The following TESC variants were observed in gnomAD, a reference collection of about 807,000 sequenced individuals.
TESC encodes the protein calcineurin B homologous protein 3.
TESC carries 19 observed loss-of-function variants against 31.0 expected under a neutral mutation model. The ratio of observed to expected loss-of-function variants is 0.61; its 90% confidence interval spans 0.43 to 0.90. The LOEUF is 0.90. Among genes scored for constraint, TESC ranks in the 40% least tolerant of loss-of-function variants. The pLI, the probability that TESC is intolerant of heterozygous loss-of-function variation, is 0.00. For missense variants in TESC, 248 were observed against 303.8 expected, an observed-to-expected ratio of 0.82 and a Z score of 1.36; for synonymous variants, 109 against 114.8, an observed-to-expected ratio of 0.95 and a Z score of 0.32.
At chr12:117,076,440 A>T (rs1955075115) in intron 1 of TESC, among the ~76,000 whole-genome samples, 1 of 152,162 alleles carries the variant, frequency 6.6e-6, no homozygotes, top group Non-Finnish European at 1.5e-5. Context: ...AGTGGATATT[A>T]TCTCAGGTAT....
At chr12:117,088,686 A>C (rs1955256736) in intron 1 of TESC, among the ~76,000 whole-genome samples, 3 of 151,938 alleles carry the variant, frequency 2.0e-5, no homozygotes, top group Non-Finnish European at 4.4e-5. Flanking sequence ...GTCTCAAAAA[A>C]AAAAAAAAAA....
At chr12:117,056,772 C>T in intron 3 of TESC, 34 bp downstream of exon 3, 2 of 1,604,326 alleles carry the variant, frequency 1.2e-6, no homozygotes, top group Non-Finnish European at 1.7e-6. Flanking sequence ...ACAAGGGTGC[C>T]TGCCACTGGG....
chr12:117,089,641 G>A (rs1415349030), intron 1 of TESC, among the ~76,000 whole-genome samples: 1 of 152,130 alleles, frequency 6.6e-6, no homozygotes, highest in Admixed American at 6.5e-5. Context: ...ATAGGTTAAG[G>A]CAGCAAGGTT....
chr12:117,072,060 A>G (rs376871480), intron 2 of TESC, among the ~76,000 whole-genome samples: 3 of 152,130 alleles, frequency 2.0e-5, no homozygotes, highest in African/African-American at 7.2e-5. Flanking sequence ...TAAGCTTATG[A>G]TGGGGTGCTA....
At position 117,053,928 on chromosome 12, in the gene TESC, C is replaced by G. The variant is rs531179872; in HGVS notation, c.209+2878G>C. 3.3e-5 allele frequency: 5 copies of G among 152,376 alleles called. No individual in the cohort carries two copies. In the East Asian group the frequency reaches 9.7e-4, roughly 29 times the overall value. 9.4% of individuals were successfully genotyped at this position (152,376 alleles called of 1,614,324 possible). On this transcript the variant is annotated intron_variant, in intron 3 of 7. Transcript: ENST00000335209. ...GGACTGGCCTAAGACGCACTGCCCACCTGAGTCCTTTCTCTGAGAACCAGG... is the reference window on the plus strand; with the variant it reads ...GGACTGGCCTAAGACGCACTGCCCAGCTGAGTCCTTTCTCTGAGAACCAGG...
At chr12:117,084,266 C>T (rs927085908) in intron 1 of TESC, among the ~76,000 whole-genome samples, 2 of 152,130 alleles carry the variant, frequency 1.3e-5, no homozygotes, top group African/African-American at 4.8e-5. Context: ...AAGCCAATTC[C>T]TTCCTCAGAT....
At chr12:117,062,892 A>T (rs1014334881) in intron 2 of TESC, among the ~76,000 whole-genome samples, 25 of 152,176 alleles carry the variant, frequency 1.6e-4, no homozygotes, top group Non-Finnish European at 3.2e-4. Flanking sequence ...ACGGCAGGTC[A>T]CTGCCCTCAG....
At chr12:117,052,344 G>A (rs1052955098) in intron 3 of TESC, among the ~76,000 whole-genome samples, 33 of 152,188 alleles carry the variant, frequency 2.2e-4, no homozygotes, top group Non-Finnish European at 4.4e-4. Context: ...GGAAAATCCT[G>A]TTTCCAGCAT....
chr12:117,066,496 C>T (rs1340197018), intron 2 of TESC, among the ~76,000 whole-genome samples: 2 of 151,790 alleles, frequency 1.3e-5, no homozygotes, highest in African/African-American at 2.4e-5. Context: ...CTCAGCCTCC[C>T]GAGTAACTGG....
At chr12:117,064,230 G>A (rs749043036) in intron 2 of TESC, among the ~76,000 whole-genome samples, 14 of 152,180 alleles carry the variant, frequency 9.2e-5, no homozygotes, top group East Asian at 1.9e-4. Context: ...GGGCATTCAC[G>A]TACACATGAA....
chr12:117,076,369 T>C (rs1191937322), intron 1 of TESC, among the ~76,000 whole-genome samples: 1 of 152,122 alleles, frequency 6.6e-6, no homozygotes, highest in African/African-American at 2.4e-5. Context: ...CTCTAAAAAA[T>C]GCACAATATT....
At chr12:117,092,593 C>T (rs994230014) in intron 1 of TESC, among the ~76,000 whole-genome samples, 2 of 152,160 alleles carry the variant, frequency 1.3e-5, no homozygotes, top group Admixed American at 6.5e-5. Flanking sequence ...GCCAGGGTCT[C>T]CCCCCGCCCC....
chr12:117,099,203 G>A (rs1343440418), intron 1 of TESC, 22 bp downstream of exon 1: 5 of 1,476,956 alleles, frequency 3.4e-6, no homozygotes, highest in Non-Finnish European at 2.7e-6. Flanking sequence ...CGGTCCCCGC[G>A]CCGCCCCCCG....
chr12:117,054,624 A>G (rs1954695366), intron 3 of TESC, among the ~76,000 whole-genome samples: 1 of 152,132 alleles, frequency 6.6e-6, no homozygotes, highest in Admixed American at 6.5e-5. Flanking sequence ...GGGCAGCTGA[A>G]GGACCCCTCT....
chr12:117,095,030 AAGAG>A (rs1555233986), intron 1 of TESC, among the ~76,000 whole-genome samples: 4 of 139,756 alleles, frequency 2.9e-5, no homozygotes, highest in African/African-American at 8.5e-5. Context: ...AAAAAAAAAA[AAGAG>A]AGAGAGACAA....
chr12:117,041,388 A>G (rs1015780286), intron 7 of TESC, among the ~76,000 whole-genome samples: 132 of 150,222 alleles, frequency 8.8e-4, no homozygotes, highest in African/African-American at 3.2e-3. Flanking sequence ...GATGGAGTAC[A>G]GTGGCGCAAT....
chr12:117,073,131 A>C (rs10850754), intron 2 of TESC, among the ~76,000 whole-genome samples: 75,853 of 151,900 alleles, frequency 0.5, 19,658 homozygotes, highest in African/African-American at 0.64. Flanking sequence ...CAGCCTATGG[A>C]CCAAGGAGGT....
chr12:117,054,383 G>C (rs929534010), intron 3 of TESC, among the ~76,000 whole-genome samples: 12 of 151,986 alleles, frequency 7.9e-5, no homozygotes, highest in Admixed American at 1.3e-4. Flanking sequence ...TGCTGCTGCT[G>C]GTCCACAGAT....
chr12:117,046,438 A>C (rs1044239042), intron 6 of TESC, 121 bp downstream of exon 6: 2 of 974,600 alleles, frequency 2.1e-6, no homozygotes, highest in Admixed American at 5.6e-5. Flanking sequence ...TGAGCCCCAC[A>C]GGCCACAGGT....
Sources: gnomAD v4.1 joint callset for allele counts (sites outside exome capture counted in the v4.1 genomes callset) on GRCh38, gnomAD v4.1.1 for gene constraint, MANE v1.5 for transcripts, NCBI Gene and HGNC (gene_info 2026-07-23, HGNC 2026-07-21) for gene names.